ARHGEF37: variants seen among roughly 807,000 people sequenced by gnomAD.
ARHGEF37 encodes Rho guanine nucleotide exchange factor 37, also known as Rho guanine nucleotide exchange factor (GEF) 37.
ARHGEF37 carries 55 observed loss-of-function variants against 71.1 expected under a neutral mutation model. The observed-to-expected ratio is 0.77, with a 90% CI of 0.62 to 0.97. ARHGEF37 has a LOEUF of 0.97. Ranked by LOEUF, ARHGEF37 falls within the 50% of genes least tolerant of loss-of-function variation. The pLI is 0.00. For missense variants in ARHGEF37, 765 were observed against 836.8 expected, an observed-to-expected ratio of 0.91 and a Z score of 1.06; for synonymous variants, 327 against 350.6, an observed-to-expected ratio of 0.93 and a Z score of 0.75.
At chr5:149,595,133 C>A (rs1763508658) in intron 1 of ARHGEF37, among the ~76,000 whole-genome samples, 1 of 152,086 alleles carries the variant, frequency 6.6e-6, no homozygotes, top group Non-Finnish European at 1.5e-5. Context: ...AATTGTGTAT[C>A]TTACTGTGTT....
chr5:149,591,699 C>G (rs1349747264), intron 1 of ARHGEF37, among the ~76,000 whole-genome samples: 1 of 152,170 alleles, frequency 6.6e-6, no homozygotes, highest in Admixed American at 6.5e-5. Flanking sequence ...TCAGTAGAAA[C>G]CGTACTTTGA....
At chr5:149,586,280 T>C (rs1763235039) in intron 1 of ARHGEF37, among the ~76,000 whole-genome samples, 1 of 152,224 alleles carries the variant, frequency 6.6e-6, no homozygotes, top group African/African-American at 2.4e-5. Context: ...TGTTTTTGTT[T>C]TTGAGATGGA....
At chr5:149,579,546 A>AC (rs1399611444), upstream of ARHGEF37, among the ~76,000 whole-genome samples, 23 of 152,212 alleles carry the variant, frequency 1.5e-4, no homozygotes, top group Admixed American at 1.1e-3. Context: ...ACTTTTAGTG[A>AC]CAGGATATGC....
intron 2 of ARHGEF37, among the ~76,000 whole-genome samples, chr5:149,598,332 C>CT (rs1763625475): frequency 9.1e-4 from 86 of 94,198 alleles, no homozygotes; most frequent in African/African-American, 3.0e-3. Flanking sequence ...CTTCTTTCTT[C>CT]CTCTTCCTCT....
At chr5:149,591,399 T>A (rs189896749) in intron 1 of ARHGEF37, among the ~76,000 whole-genome samples, 1 of 152,242 alleles carries the variant, frequency 6.6e-6, no homozygotes, top group African/African-American at 2.4e-5. Context: ...TGTCTTTTTT[T>A]AAGAGATGAG....
At chr5:149,604,605 C>G (rs1001015840) in intron 3 of ARHGEF37, among the ~76,000 whole-genome samples, 8 of 151,770 alleles carry the variant, frequency 5.3e-5, no homozygotes, top group Non-Finnish European at 1.2e-4. Flanking sequence ...CCTGCTGTCT[C>G]TCTATTCCCC....
Position 149,627,170 on chromosome 5 carries a change from C to T in ARHGEF37, c.1559C>T (p.Thr520Ile). ...LYQVTSNISG[T>I]GTLDLTLPRG... ...CAGGTGACAAGCAACATCAGTGGGA[C>T]TGGGACTCTGGACCTGACTCTGCCT... The change falls in exon 11 of 13, where the codon ACT (threonine) becomes ATT (isoleucine). Residue 520 changes from threonine to isoleucine, a missense_variant. Transcript: ENST00000333677. The T allele has an allele frequency of 1.9e-6, 3 of 1,614,170 alleles. No individual in the cohort carries two copies. Among genetic ancestry groups the T allele is most frequent in the Non-Finnish European group, 1.7e-6 (2 of 1,180,034 alleles).
chr5:149,605,105 T>C (rs1026093781), intron 3 of ARHGEF37, among the ~76,000 whole-genome samples: 1 of 151,428 alleles, frequency 6.6e-6, no homozygotes, highest in Non-Finnish European at 1.5e-5. Flanking sequence ...TGGGTGCCTG[T>C]AATCTCAGCT....
chr5:149,582,297 A>G (rs1694906321), intron 1 of ARHGEF37, among the ~76,000 whole-genome samples: 1 of 152,208 alleles, frequency 6.6e-6, no homozygotes, highest in South Asian at 2.1e-4. Flanking sequence ...TTGAGATTTG[A>G]CATGAATTCC....
At chr5:149,603,123 G>A (rs545498632) in intron 3 of ARHGEF37, among the ~76,000 whole-genome samples, 2 of 152,070 alleles carry the variant, frequency 1.3e-5, no homozygotes, top group Admixed American at 6.5e-5. Flanking sequence ...AGTAGAGATA[G>A]GGTTTCACCA....
At chr5:149,618,913 C>A (rs768482044) in intron 6 of ARHGEF37, 25 bp from the exon 7 acceptor site, 5 of 1,583,558 alleles carry the variant, frequency 3.2e-6, no homozygotes, top group Non-Finnish European at 3.5e-6. Flanking sequence ...TGGATATTCT[C>A]AACCCTCACA....
At chr5:149,609,520 C>T (rs527942931) in intron 3 of ARHGEF37, 28 bp from the exon 4 acceptor site, 104 of 1,611,422 alleles carry the variant, frequency 6.5e-5, no homozygotes, top group African/African-American at 1.1e-4. Flanking sequence ...ATGCCCTTGA[C>T]GACCCCTTGT....
chr5:149,612,358 G>A (rs1752221438), intron 4 of ARHGEF37, among the ~76,000 whole-genome samples: 2 of 152,106 alleles, frequency 1.3e-5, no homozygotes, highest in Non-Finnish European at 2.9e-5. Flanking sequence ...TAGTAGAGAT[G>A]GGGTTTCACC....
At chr5:149,623,611 A>C (rs1276270690) in intron 9 of ARHGEF37, among the ~76,000 whole-genome samples, 1 of 152,160 alleles carries the variant, frequency 6.6e-6, no homozygotes, top group African/African-American at 2.4e-5. Context: ...GCAGAAAGTA[A>C]GGGCGCTTCC....
chr5:149,619,145 G>A (rs1752463459), intron 7 of ARHGEF37, 103 bp downstream of exon 7: 1 of 895,944 alleles, frequency 1.1e-6, no homozygotes, highest in African/African-American at 1.6e-5. Flanking sequence ...ACCAGCCTCA[G>A]AAACCAACCA....
chr5:149,559,972 T>A (rs1238830748), intron 1 of ARHGEF37, among the ~76,000 whole-genome samples: 5 of 152,308 alleles, frequency 3.3e-5, no homozygotes, highest in South Asian at 2.1e-4. Flanking sequence ...TTGAGTTCTA[T>A]AGATTCTTAG....
intron 9 of ARHGEF37, 118 bp downstream of exon 9, chr5:149,622,180 T>C: frequency 2.0e-6 from 2 of 1,024,290 alleles, no homozygotes; most frequent in Non-Finnish European, 2.8e-6. Flanking sequence ...AAACAGGTCA[T>C]CAGGCCCTTA....
chr5:149,554,543 C>A (rs1762728203), intron 1 of ARHGEF37, among the ~76,000 whole-genome samples: 1 of 152,082 alleles, frequency 6.6e-6, no homozygotes, highest in South Asian at 2.1e-4. Flanking sequence ...ACTGACAGTG[C>A]CCAGCAAAAT....
At position 149,618,242 on chromosome 5, in the gene ARHGEF37, C is replaced by A. The variant is rs1176620813; in HGVS notation, c.725C>A (p.Thr242Asn). The A allele has an allele frequency of 6.2e-7, 1 of 1,614,154 alleles. No homozygotes were observed. Among genetic ancestry groups the A allele is most frequent in the Non-Finnish European group, 8.5e-7 (1 of 1,180,054 alleles). Residue 242 changes from threonine (T) to asparagine (N), a missense_variant, in exon 6 of 13, where the codon ACC (threonine) becomes AAC (asparagine). Thr to Asn is a moderately conservative substitution (Grantham distance 65, BLOSUM62 0). Transcript: ENST00000333677. ...RERLARINTH[T>N]LSKKTTRLSQ... ...CGGCTGGCCCGCATCAACACACACA[C>A]CCTCTCCAAGAAGACCACCCGGCTG...
Sources: allele counts gnomAD v4.1 joint callset (sites outside exome capture counted in the v4.1 genomes callset), GRCh38; gene constraint gnomAD v4.1.1; transcripts MANE v1.5; gene names NCBI Gene and HGNC (gene_info 2026-07-23, HGNC 2026-07-21).